The following SNTG2 variants were observed in gnomAD, a reference collection of about 807,000 sequenced individuals.
SNTG2 encodes gamma-2-syntrophin.
In SNTG2, 74 loss-of-function variants were observed where a neutral mutation model predicts 70.9. The observed-to-expected ratio is 1.04, with a 90% CI of 0.86 to 1.27. The LOEUF (loss-of-function observed/expected upper bound fraction) is 1.27, where lower values mean the gene tolerates loss of function less well. Among genes scored for constraint, SNTG2 ranks in the 50% most tolerant of loss-of-function variants. The pLI, the probability that SNTG2 is intolerant of heterozygous loss-of-function variation, is 0.00. For synonymous variants in SNTG2, 278 were observed against 273.8 expected, an observed-to-expected ratio of 1.02 and a Z score of -0.15; for missense variants, 717 against 690.7, an observed-to-expected ratio of 1.04 and a Z score of -0.43.
chr2:1,167,297 C>T (rs1475039349), intron 7 of SNTG2, among the ~76,000 whole-genome samples: 1 of 150,762 alleles, frequency 6.6e-6, no homozygotes, highest in Non-Finnish European at 1.5e-5. Context: ...AGCCTAGAAG[C>T]CACCCACAGA....
chr2:1,103,828 G>A (rs1008084140), intron 4 of SNTG2, among the ~76,000 whole-genome samples: 15 of 152,156 alleles, frequency 9.9e-5, no homozygotes. Context: ...AGACCCCTGA[G>A]TGCTAAGCAC....
At chr2:1,226,860 T>C (rs182150961) in intron 9 of SNTG2, among the ~76,000 whole-genome samples, 18 of 152,386 alleles carry the variant, frequency 1.2e-4, no homozygotes, top group Non-Finnish European at 2.2e-4. Flanking sequence ...TTTGAATTTT[T>C]AACAGTAACT....
intron 1 of SNTG2, among the ~76,000 whole-genome samples, chr2:1,006,838 C>T (rs1317487344): frequency 2.0e-5 from 3 of 151,954 alleles, no homozygotes; most frequent in Admixed American, 6.6e-5. Flanking sequence ...CCAGCCTGAC[C>T]ATCATGGTGA....
intron 12 of SNTG2, 138 bp downstream of exon 12, chr2:1,247,581 G>A: frequency 1.6e-6 from 1 of 618,988 alleles, no homozygotes; most frequent in South Asian, 2.0e-5. Flanking sequence ...TGCATGGTTG[G>A]AAAGGATTCT....
chr2:1,196,566 C>A (rs945866801), intron 8 of SNTG2, among the ~76,000 whole-genome samples: 1 of 152,000 alleles, frequency 6.6e-6, no homozygotes, highest in Non-Finnish European at 1.5e-5. Flanking sequence ...TCTTCTTCAT[C>A]GTATAGTATG....
chr2:1,148,230 C>T (rs909192231), intron 6 of SNTG2, among the ~76,000 whole-genome samples: 3 of 152,210 alleles, frequency 2.0e-5, no homozygotes, highest in East Asian at 1.9e-4. Flanking sequence ...CTGTGAAATA[C>T]GGAATGGCCT....
At chr2:1,137,985 G>A (rs560275645) in intron 6 of SNTG2, among the ~76,000 whole-genome samples, 176 bp downstream of exon 6, 39 of 152,276 alleles carry the variant, frequency 2.6e-4, no homozygotes, top group African/African-American at 7.7e-4. Flanking sequence ...GCCCACTGTC[G>A]ACTGTTGTGT....
chr2:1,031,493 A>G (rs1041283113), intron 1 of SNTG2, among the ~76,000 whole-genome samples: 2 of 119,016 alleles, frequency 1.7e-5, no homozygotes, highest in African/African-American at 6.8e-5. Context: ...GGCTATTTGT[A>G]TATATAGTTC....
At chr2:1,182,102 G>T (rs768075068) in intron 8 of SNTG2, among the ~76,000 whole-genome samples, 1 of 152,076 alleles carries the variant, frequency 6.6e-6, no homozygotes, top group Non-Finnish European at 1.5e-5. Flanking sequence ...CTGATTGTGC[G>T]CATGTGCAAA....
At chr2:1,207,997 A>G (rs1673755050) in intron 8 of SNTG2, among the ~76,000 whole-genome samples, 1 of 152,212 alleles carries the variant, frequency 6.6e-6, no homozygotes, top group Admixed American at 6.5e-5. Flanking sequence ...AAGACACTTC[A>G]TGCCACCCTT....
At chr2:1,250,501 T>C (rs1677690064) in intron 12 of SNTG2, among the ~76,000 whole-genome samples, 1 of 152,094 alleles carries the variant, frequency 6.6e-6, no homozygotes, top group Non-Finnish European at 1.5e-5. Flanking sequence ...GTCTGACTCA[T>C]CTCTCTGTCT....
At chr2:1,147,988 A>C (rs538415312) in intron 6 of SNTG2, among the ~76,000 whole-genome samples, 2 of 152,322 alleles carry the variant, frequency 1.3e-5, no homozygotes, top group East Asian at 3.9e-4. Context: ...CTGTTTTTGC[A>C]TTATAAGGAC....
rs1661546863 is a variant in SNTG2, at chr2:1,367,405, G to A, written c.1551G>A (p.Lys517=). ...GCATCCACTCCTTCATAGCAGCCAA[G>A]GTGGCCTCCGTGGACCCCGGCTTCA... ...LHCIHSFIAA[K]VASVDPGFMD... is the part of the protein sequence containing the mutation. The change falls in exon 17 of 17, where the codon AAG becomes AAA. Residue 517 remains lysine, a synonymous_variant. Coordinates refer to ENST00000308624, the MANE Select transcript of SNTG2 (RefSeq NM_018968.4). 1.3e-6 allele frequency: 2 copies of A among 1,551,588 alleles called. No homozygotes were observed. Among genetic ancestry groups the A allele is most frequent in the Admixed American group, 2.0e-5 (1 of 50,966 alleles).
At chr2:1,296,174 T>C (rs991626768) in intron 14 of SNTG2, among the ~76,000 whole-genome samples, 2 of 152,156 alleles carry the variant, frequency 1.3e-5, no homozygotes, top group African/African-American at 2.4e-5. Context: ...GGTAAGCCTC[T>C]GCCTCGCACC....
At chr2:1,337,404 T>C (rs1407371083) in intron 16 of SNTG2, among the ~76,000 whole-genome samples, 1 of 152,240 alleles carries the variant, frequency 6.6e-6, no homozygotes, top group Non-Finnish European at 1.5e-5. Context: ...GTAAATGTTA[T>C]CTCACTGGAG....
At chr2:1,109,864 A>G (rs940134821) in intron 4 of SNTG2, among the ~76,000 whole-genome samples, 1 of 152,232 alleles carries the variant, frequency 6.6e-6, no homozygotes, top group Non-Finnish European at 1.5e-5. Flanking sequence ...TTGCACAGAA[A>G]GGAAGGGGTG....
chr2:1,154,834 T>TAC (rs934894022), intron 6 of SNTG2, among the ~76,000 whole-genome samples: 1 of 151,108 alleles, frequency 6.6e-6, no homozygotes, highest in South Asian at 2.1e-4. Context: ...ACCACACATA[T>TAC]ACACACACAC....
intron 9 of SNTG2, among the ~76,000 whole-genome samples, chr2:1,217,323 T>G (rs1558542672): frequency 6.6e-6 from 1 of 152,222 alleles, no homozygotes; most frequent in Non-Finnish European, 1.5e-5. Context: ...ACTCAAGTGG[T>G]TCTTTGGTAA....
intron 13 of SNTG2, among the ~76,000 whole-genome samples, chr2:1,266,475 A>G (rs1678740984): frequency 6.6e-6 from 1 of 152,206 alleles, no homozygotes; most frequent in Non-Finnish European, 1.5e-5. Context: ...TTAACCAGAA[A>G]TGGAACAACA....
Sources: gnomAD v4.1 joint callset for allele counts (sites outside exome capture counted in the v4.1 genomes callset) on GRCh38, gnomAD v4.1.1 for gene constraint, MANE v1.5 for transcripts, NCBI Gene and HGNC (gene_info 2026-07-23, HGNC 2026-07-21) for gene names.